TEC: variants seen among roughly 807,000 people sequenced by gnomAD.
TEC encodes the protein tyrosine-protein kinase Tec.
In TEC, 72 loss-of-function variants were observed where a neutral mutation model predicts 93.0. The observed-to-expected ratio is 0.77, with a 90% CI of 0.64 to 0.94. TEC has a LOEUF of 0.94. TEC is among the 40% of genes least tolerant of loss of function. The probability of loss-of-function intolerance (pLI) is 0.00; values close to 1 mark genes in which losing one functional copy is unlikely to be tolerated. For synonymous variants in TEC, 249 were observed against 247.7 expected, an observed-to-expected ratio of 1.01 and a Z score of -0.05; for missense variants, 630 against 757.9, an observed-to-expected ratio of 0.83 and a Z score of 1.98.
rs1203118250 is a variant in TEC at position 48,167,922 on chromosome 4, T to C, written c.527A>G (p.Glu176Gly). 1.2e-6 allele frequency: 2 copies of C among 1,613,898 alleles called. No individual in the cohort carries two copies. The highest frequency in any genetic ancestry group is 2.2e-5 in the East Asian group (1 of 44,856). The change falls in exon 7 of 18, where the codon GAA becomes GGA. Residue 176 changes from glutamate to glycine, a missense_variant. Glu to Gly is a moderately conservative substitution (Grantham distance 98, BLOSUM62 -2). Coordinates refer to ENST00000381501, the MANE Select transcript of TEC (RefSeq NM_003215.3). ...AACGATTTCTTCACTATTATCTTCT[T>C]CTTCTAGTGGAATTGGTGGGGGAGG... ...RRPPPPIPLEEEDNSEEIVVA... is the reference protein window; with the variant it reads ...RRPPPPIPLEGEDNSEEIVVA...
chr4:48,233,198 G>A (rs1723693698), intron 1 of TEC, among the ~76,000 whole-genome samples: 1 of 152,060 alleles, frequency 6.6e-6, no homozygotes. Context: ...TCTGGCTCCA[G>A]GACATCAGGA....
intron 1 of TEC, among the ~76,000 whole-genome samples, chr4:48,249,977 A>G (rs1724159397): frequency 6.6e-6 from 1 of 152,252 alleles, no homozygotes; most frequent in Non-Finnish European, 1.5e-5. Context: ...ATCCCAGCCA[A>G]GGCATGCATC....
intron 2 of TEC, among the ~76,000 whole-genome samples, chr4:48,209,629 T>C (rs1722830996): frequency 6.6e-6 from 1 of 151,888 alleles, no homozygotes. Context: ...AATAGATTTA[T>C]AAAAAATCAA....
chr4:48,235,449 T>C (rs1285995787), intron 1 of TEC, among the ~76,000 whole-genome samples: 1 of 152,232 alleles, frequency 6.6e-6, no homozygotes, highest in Admixed American at 6.5e-5. Flanking sequence ...GAAAGGTATA[T>C]GTTCTACTCT....
At chr4:48,141,682 T>G in intron 14 of TEC, 1 of 273,778 alleles carries the variant, frequency 3.7e-6, no homozygotes, top group Non-Finnish European at 6.5e-6. Flanking sequence ...TTTTCTTTTC[T>G]TTCTTTTTTT....
rs1577671185 is a variant in TEC, at chr4:48,250,337, T to C, written c.-46+19415A>G. Among the ~76,000 whole-genome samples, 4 of 152,346 alleles carry C rather than the reference T, an allele frequency of 2.6e-5. No individual in the cohort carries two copies. The East Asian group carries it at 7.7e-4, about 29-fold the overall frequency. On this transcript the variant is annotated intron_variant, in intron 1 of 17. Coordinates refer to ENST00000381501, the MANE Select transcript of TEC (RefSeq NM_003215.3). ...AAATATTTCCTGAACCTATTCAAGA[T>C]TCTCATTCTTCACTACTCTCCCATG...
At chr4:48,201,535 G>C (rs2109596915) in intron 2 of TEC, among the ~76,000 whole-genome samples, 1 of 152,236 alleles carries the variant, frequency 6.6e-6, no homozygotes. Context: ...TGGCCAGAAA[G>C]GATACAGGAA....
intron 2 of TEC, among the ~76,000 whole-genome samples, chr4:48,209,204 T>G (rs978456460): frequency 6.6e-6 from 1 of 152,220 alleles, no homozygotes; most frequent in African/African-American, 2.4e-5. Context: ...TTTTTTAATT[T>G]TTTTCTTCTC....
At chr4:48,265,464 C>T (rs7439901) in intron 1 of TEC, among the ~76,000 whole-genome samples, 22 of 142,304 alleles carry the variant, frequency 1.5e-4, no homozygotes, top group Middle Eastern at 3.6e-3. Flanking sequence ...TACATATATA[C>T]ACACACATAT....
intron 2 of TEC, among the ~76,000 whole-genome samples, chr4:48,216,365 C>A (rs1342253657): frequency 5.3e-5 from 8 of 152,102 alleles, no homozygotes; most frequent in Non-Finnish European, 1.2e-4. Context: ...TCCCTATCTT[C>A]AAAATAAACA....
Position 48,255,255 on chromosome 4 carries a change from A to G in TEC, c.-46+14497T>C, listed in dbSNP as rs999324879. Among the ~76,000 whole-genome samples the G allele has an allele frequency of 2.4e-4, 36 of 152,190 alleles. No individual in the cohort carries two copies. The Middle Eastern group carries it at 0.01, about 43-fold the overall frequency. ...TTGCGGCTTCCTCCATGGAGCAGGG[A>G]AAAATGACCACCAGTAGCTCCAGGT... On this transcript the variant is annotated intron_variant, in intron 1 of 17. Transcript: ENST00000381501.
chr4:48,155,413 T>C (rs1385519434), intron 9 of TEC, among the ~76,000 whole-genome samples: 1 of 152,210 alleles, frequency 6.6e-6, no homozygotes, highest in East Asian at 1.9e-4. Flanking sequence ...GTAGGTCTTA[T>C]GGCAAAAGCC....
chr4:48,179,554 A>T (rs147701204), intron 2 of TEC, among the ~76,000 whole-genome samples: 11,553 of 151,120 alleles, frequency 0.076, 532 homozygotes, highest in South Asian at 0.13. Context: ...ACGCCCAGCT[A>T]AATTTTGTAT....
At chr4:48,248,596 A>G (rs1724121722) in intron 1 of TEC, among the ~76,000 whole-genome samples, 2 of 152,202 alleles carry the variant, frequency 1.3e-5, no homozygotes, top group South Asian at 4.1e-4. Flanking sequence ...AGAATAATCA[A>G]TTTTAGGTTT....
At chr4:48,261,889 CAT>C (rs1241686649) in intron 1 of TEC, among the ~76,000 whole-genome samples, 1 of 152,098 alleles carries the variant, frequency 6.6e-6, no homozygotes, top group Non-Finnish European at 1.5e-5. Context: ...GATGAGATAA[CAT>C]AATGAATACT....
intron 11 of TEC, among the ~76,000 whole-genome samples, chr4:48,148,306 T>C (rs1720004260): frequency 1.3e-5 from 2 of 152,146 alleles, no homozygotes; most frequent in Non-Finnish European, 1.5e-5. Flanking sequence ...AGTCACAAAA[T>C]AATAGGCTTT....
At chr4:48,188,890 C>T (rs796093871) in intron 2 of TEC, among the ~76,000 whole-genome samples, 7 of 150,386 alleles carry the variant, frequency 4.7e-5, no homozygotes, top group African/African-American at 1.5e-4. Flanking sequence ...TGTGTGTGTG[C>T]GCGCCCATGC....
intron 2 of TEC, among the ~76,000 whole-genome samples, chr4:48,193,531 T>G (rs1419015502): frequency 1.3e-5 from 2 of 152,202 alleles, no homozygotes; most frequent in East Asian, 1.9e-4. Flanking sequence ...TCTTCAGAGA[T>G]AAACGTAACT....
intron 9 of TEC, among the ~76,000 whole-genome samples, chr4:48,155,274 C>A (rs926874062): frequency 3.3e-5 from 5 of 152,152 alleles, no homozygotes; most frequent in Admixed American, 2.6e-4. Context: ...TGTAAATCTG[C>A]CTTTCAAGCA....
Sources: gnomAD v4.1 joint callset for allele counts (sites outside exome capture counted in the v4.1 genomes callset) on GRCh38, gnomAD v4.1.1 for gene constraint, MANE v1.5 for transcripts, NCBI Gene and HGNC (gene_info 2026-07-23, HGNC 2026-07-21) for gene names.